The following MBNL2 variants were observed in gnomAD, a reference collection of about 807,000 sequenced individuals.
MBNL2 encodes the protein muscleblind-like protein 2.
MBNL2 carries 17 observed loss-of-function variants against 41.9 expected under a neutral mutation model. The observed-to-expected ratio is 0.41, with a 90% confidence interval of 0.28 to 0.61. MBNL2 has a LOEUF of 0.61. Ranked by LOEUF, MBNL2 falls within the 20% of genes least tolerant of loss-of-function variation. The pLI, the probability that MBNL2 is intolerant of heterozygous loss-of-function variation, is 0.35. For synonymous variants in MBNL2, 195 were observed against 182.9 expected (o/e 1.07, Z -0.53); for missense variants, 336 against 505.6 (o/e 0.66, Z 3.22).
At chr13:97,264,435 A>C (rs960585344) in intron 1 of MBNL2, among the ~76,000 whole-genome samples, 2 of 152,178 alleles carry the variant, frequency 1.3e-5, no homozygotes, top group Non-Finnish European at 2.9e-5. Flanking sequence ...TACCCGTTAC[A>C]TTCATTACAG....
chr13:97,187,513 G>A, the MBNL2 span, among the ~76,000 whole-genome samples: 1 of 137,526 alleles, frequency 7.3e-6, no homozygotes, highest in African/African-American at 2.7e-5. Flanking sequence ...CCAGAGCCAT[G>A]CATAGTACTG....
chr13:97,168,743 A>G, the MBNL2 span, among the ~76,000 whole-genome samples: 1 of 152,222 alleles, frequency 6.6e-6, no homozygotes, highest in Non-Finnish European at 1.5e-5. Context: ...TTCTATCTGC[A>G]TTTATTTAGA....
At chr13:97,202,642 G>A in the MBNL2 span, among the ~76,000 whole-genome samples, 1 of 152,072 alleles carries the variant, frequency 6.6e-6, no homozygotes, top group African/African-American at 2.4e-5. Flanking sequence ...AATTAAAGAC[G>A]TGAATACCAT....
chr13:97,194,690 G>A, the MBNL2 span, among the ~76,000 whole-genome samples: 1 of 152,196 alleles, frequency 6.6e-6, no homozygotes, highest in Non-Finnish European at 1.5e-5. Flanking sequence ...TGGTAAAGAA[G>A]CTGGCCAAAA....
chr13:97,231,833 C>T (rs905280435), intron 1 of MBNL2, among the ~76,000 whole-genome samples: 4 of 150,204 alleles, frequency 2.7e-5, no homozygotes, highest in African/African-American at 9.8e-5. Context: ...GGAATATATG[C>T]ATTATAAACC....
At chr13:97,210,706 C>T in the MBNL2 span, among the ~76,000 whole-genome samples, 1 of 147,786 alleles carries the variant, frequency 6.8e-6, no homozygotes, top group Non-Finnish European at 1.5e-5. Context: ...GATTCTCATG[C>T]CTTAACCTCC....
chr13:97,209,126 A>T, the MBNL2 span, among the ~76,000 whole-genome samples: 3 of 152,236 alleles, frequency 2.0e-5, no homozygotes, highest in Non-Finnish European at 4.4e-5. Context: ...ATTATATTTT[A>T]AATTAAATCC....
chr13:97,227,294 G>A (rs2041788770), intron 1 of MBNL2, among the ~76,000 whole-genome samples: 1 of 152,110 alleles, frequency 6.6e-6, no homozygotes, highest in Non-Finnish European at 1.5e-5. Context: ...AGGTTTATGG[G>A]CATTGACTGC....
chr13:97,212,221 C>T, the MBNL2 span, among the ~76,000 whole-genome samples: 334 of 152,240 alleles, frequency 2.2e-3, 3 homozygotes, highest in African/African-American at 7.6e-3. Context: ...CCCACATGAA[C>T]GTTTTCCAGA....
intron 1 of MBNL2, among the ~76,000 whole-genome samples, chr13:97,229,337 C>T (rs7323020): frequency 0.039 from 5,908 of 151,602 alleles, 377 homozygotes; most frequent in African/African-American, 0.14. Flanking sequence ...GGTCTGGATC[C>T]ATGTCTCTAA....
At chr13:97,233,130 T>TAG (rs1471343848) in intron 1 of MBNL2, among the ~76,000 whole-genome samples, 1 of 40,478 alleles carries the variant, frequency 2.5e-5, no homozygotes, top group Non-Finnish European at 4.5e-5. Flanking sequence ...CTTTTTCATA[T>TAG]ATATATATAT....
the MBNL2 span, among the ~76,000 whole-genome samples, chr13:97,149,502 C>T: frequency 6.6e-6 from 1 of 152,208 alleles, no homozygotes; most frequent in South Asian, 2.1e-4. Flanking sequence ...GGCAGACATG[C>T]TACCCACAGT....
the MBNL2 span, among the ~76,000 whole-genome samples, chr13:97,203,085 G>C: frequency 6.6e-6 from 1 of 152,260 alleles, no homozygotes; most frequent in Non-Finnish European, 1.5e-5. Context: ...AGGATTCACC[G>C]ACAAGGGCTG....
chr13:97,194,117 G>A, the MBNL2 span, among the ~76,000 whole-genome samples: 2 of 152,162 alleles, frequency 1.3e-5, no homozygotes, highest in Non-Finnish European at 2.9e-5. Flanking sequence ...ACCACTCAAA[G>A]TCTTCCCATC....
intron 1 of MBNL2, among the ~76,000 whole-genome samples, chr13:97,246,875 C>T (rs187489671): frequency 6.6e-6 from 1 of 152,146 alleles, no homozygotes; most frequent in Non-Finnish European, 1.5e-5. Flanking sequence ...TCTTAATATA[C>T]TTATTGCTGT....
At chr13:97,267,153 C>T (rs1023278744) in intron 1 of MBNL2, among the ~76,000 whole-genome samples, 1 of 152,160 alleles carries the variant, frequency 6.6e-6, no homozygotes, top group African/African-American at 2.4e-5. Flanking sequence ...TCCACAGCCC[C>T]AGCTTGTCTG....
chr13:97,154,674 C>T, the MBNL2 span, among the ~76,000 whole-genome samples: 2 of 152,170 alleles, frequency 1.3e-5, no homozygotes, highest in East Asian at 3.9e-4. Context: ...TTGGATGATG[C>T]GGGGAAGGCA....
intron 1 of MBNL2, among the ~76,000 whole-genome samples, chr13:97,231,920 C>A (rs980006323): frequency 6.6e-6 from 1 of 152,128 alleles, no homozygotes; most frequent in African/African-American, 2.4e-5. Flanking sequence ...TGCATCCTCA[C>A]ATCCTTGGTG....
the MBNL2 span, among the ~76,000 whole-genome samples, chr13:97,149,883 G>T: frequency 4.6e-5 from 7 of 152,244 alleles, no homozygotes; most frequent in South Asian, 1.5e-3. Context: ...TCTCTGCAGG[G>T]GAGTCGTTCT....
Sources: allele counts gnomAD v4.1 joint callset (sites outside exome capture counted in the v4.1 genomes callset), GRCh38; gene constraint gnomAD v4.1.1; transcripts MANE v1.5; gene names NCBI Gene and HGNC (gene_info 2026-07-23, HGNC 2026-07-21).